Variants in PHF14 observed in about 807,000 individuals in gnomAD.
PHF14 encodes the protein PHD finger protein 14.
A neutral mutation model predicts 117.9 loss-of-function variants in PHF14; 55 were observed. The observed-to-expected ratio is 0.47, with a 90% CI of 0.38 to 0.58. The LOEUF is 0.58. Ranked by LOEUF, PHF14 falls within the 20% of genes least tolerant of loss-of-function variation. The probability of loss-of-function intolerance (pLI) is 0.00; values close to 1 mark genes in which losing one functional copy is unlikely to be tolerated. For synonymous variants in PHF14, 409 were observed against 368.6 expected, an observed-to-expected ratio of 1.11 and a Z score of -1.26; for missense variants, 978 against 1,122.2, an observed-to-expected ratio of 0.87 and a Z score of 1.84.
chr7:11,071,949 C>T (rs950911772), intron 16 of PHF14, among the ~76,000 whole-genome samples: 1 of 152,146 alleles, frequency 6.6e-6, no homozygotes, highest in African/African-American at 2.4e-5. Context: ...GATTCTATTA[C>T]ATTTCAAAGT....
intron 17 of PHF14, among the ~76,000 whole-genome samples, chr7:11,144,957 A>G (rs946964657): frequency 6.6e-6 from 1 of 151,982 alleles, no homozygotes; most frequent in Non-Finnish European, 1.5e-5. Flanking sequence ...GGAGAGAATG[A>G]GGTATTTTGT....
chr7:11,068,685 A>G (rs919714947), intron 16 of PHF14, among the ~76,000 whole-genome samples: 1 of 152,202 alleles, frequency 6.6e-6, no homozygotes, highest in African/African-American at 2.4e-5. Flanking sequence ...GGTCAATGCT[A>G]TGTATATTTT....
chr7:11,076,628 C>A (rs1015613456), intron 16 of PHF14, among the ~76,000 whole-genome samples: 9 of 139,552 alleles, frequency 6.4e-5, no homozygotes, highest in Non-Finnish European at 1.2e-4. Flanking sequence ...AGTGCAGTGG[C>A]GTGATCTCAG....
In PHF14 at chr7:11,042,710, T is replaced by G. The variant is rs1481465419; in HGVS notation, c.2208T>G (p.Asp736Glu). The change falls in exon 13 of 18, where the codon GAT (aspartate) becomes GAG (glutamate). Residue 736 changes from aspartate to glutamate, a missense_variant. Asp to Glu is a conservative substitution (Grantham distance 45). Transcript: ENST00000634607. ...YSCGICKKNH[D>E]QHLLLLCDTC... ...GTGGGATTTGTAAGAAGAACCATGA[T>G]CAGCATCTTCTTTTATTGTGTGATA... The G allele has an allele frequency of 1.3e-6, 2 of 1,590,098 alleles. No homozygotes were observed. Among genetic ancestry groups the G allele is most frequent in the Non-Finnish European group, 1.7e-6 (2 of 1,166,428 alleles).
At chr7:10,996,592 T>C (rs112053588) in intron 4 of PHF14, among the ~76,000 whole-genome samples, 21 of 151,966 alleles carry the variant, frequency 1.4e-4, no homozygotes, top group Admixed American at 1.2e-3. Context: ...CCAGAGGTTA[T>C]TGAAAAAAAA....
Position 11,036,529 on chromosome 7 carries a change from A to T in PHF14, c.1714A>T (p.Ser572Cys). The T allele has an allele frequency of 6.2e-7, 1 of 1,614,012 alleles. No homozygotes were observed. Among genetic ancestry groups the T allele is most frequent in the Non-Finnish European group, 8.5e-7 (1 of 1,179,876 alleles). Residue 572 changes from serine to cysteine, a missense_variant, in exon 9 of 18, where the codon AGT becomes TGT. Physicochemically the swap from Ser to Cys is moderately radical, Grantham distance 112. This residue lies in a region of PHF14 where 237 missense variants were observed against 276.4 expected (regional missense o/e 0.86). Coordinates refer to ENST00000634607, the MANE Select transcript of PHF14 (RefSeq NM_001007157.2). ...AAAATTGCCCAGACCACTCACCAGC[A>T]GTGCTTCAGCTATTCGTAAACTTAT... ...REKLPRPLTS[S>C]ASAIRKLMRK...
chr7:11,009,448 C>T (rs17163898), intron 4 of PHF14, among the ~76,000 whole-genome samples: 1,922 of 152,172 alleles, frequency 0.013, 43 homozygotes, highest in East Asian at 0.1. Context: ...GCCATAGAAA[C>T]ATGTCTTCTG....
At chr7:11,165,199 A>C (rs1168401311) in intron 17 of PHF14, among the ~76,000 whole-genome samples, 3 of 152,224 alleles carry the variant, frequency 2.0e-5, no homozygotes, top group African/African-American at 7.2e-5. Flanking sequence ...CTGGGATTAC[A>C]GGCGTGAGCC....
intron 17 of PHF14, among the ~76,000 whole-genome samples, chr7:11,150,274 T>C (rs1392995804): frequency 3.3e-5 from 5 of 152,184 alleles, no homozygotes; most frequent in Non-Finnish European, 5.9e-5. Flanking sequence ...GTTATAGTTA[T>C]GGTTATTGTT....
At chr7:11,161,680 A>G (rs1418405294) in intron 17 of PHF14, among the ~76,000 whole-genome samples, 1 of 128,498 alleles carries the variant, frequency 7.8e-6, no homozygotes, top group Non-Finnish European at 1.8e-5. Context: ...AAATAAAAAT[A>G]TTATATTTTA....
chr7:11,088,403 A>C (rs2995885), intron 16 of PHF14, among the ~76,000 whole-genome samples: 77,853 of 150,940 alleles, frequency 0.52, 20,873 homozygotes, highest in East Asian at 0.84. Flanking sequence ...CATACACACA[A>C]ACACACACAC....
Position 10,983,101 on chromosome 7 carries a change from C to T in PHF14, c.842C>T (p.Ala281Val). Reference protein sequence around the residue: ...KKSKVLSRNSADDEELTNDSL... With the variant: ...KKSKVLSRNSVDDEELTNDSL... ...AGTAAAGTTCTTAGCAGAAACAGTG[C>T]TGATGATGAGGAACTGACCAATGAT... The change falls in exon 3 of 18, where the codon GCT becomes GTT. Residue 281 changes from alanine to valine, a missense_variant. By Grantham distance (64) the Ala-to-Val change is moderately conservative. Transcript: ENST00000634607. 2 of 1,599,246 alleles carry T rather than the reference C, an allele frequency of 1.3e-6. No individual in the cohort carries two copies. The highest frequency in any genetic ancestry group is 1.1e-5 in the South Asian group (1 of 91,030).
chr7:10,978,320 A>T (rs549561516), intron 2 of PHF14, among the ~76,000 whole-genome samples: 5 of 152,338 alleles, frequency 3.3e-5, no homozygotes, highest in African/African-American at 1.2e-4. Flanking sequence ...TAAATAAAAT[A>T]GTTGATACAA....
At chr7:11,024,671 C>T (rs1202316103) in intron 6 of PHF14, among the ~76,000 whole-genome samples, 1 of 152,188 alleles carries the variant, frequency 6.6e-6, no homozygotes, top group Admixed American at 6.5e-5. Flanking sequence ...CATCTGTGTA[C>T]CGCATGGTTT....
At chr7:11,125,419 A>T (rs1486109943) in intron 17 of PHF14, among the ~76,000 whole-genome samples, 1 of 152,110 alleles carries the variant, frequency 6.6e-6, no homozygotes, top group Non-Finnish European at 1.5e-5. Flanking sequence ...TTTGCAGTAC[A>T]AGTTTCTCTT....
At chr7:11,169,025 A>G (rs1789291343) in intron 17 of PHF14, among the ~76,000 whole-genome samples, 1 of 151,872 alleles carries the variant, frequency 6.6e-6, no homozygotes, top group African/African-American at 2.4e-5. Flanking sequence ...ACACCTGTCA[A>G]GAAAGTATAC....
chr7:11,106,918 A>G (rs574009110), intron 16 of PHF14: 1 of 983,798 alleles, frequency 1.0e-6, no homozygotes, highest in Non-Finnish European at 1.2e-6. Context: ...AAAATGTTCC[A>G]TTGGCATAAA....
At chr7:11,116,838 T>C (rs942144408) in intron 17 of PHF14, among the ~76,000 whole-genome samples, 5 of 151,962 alleles carry the variant, frequency 3.3e-5, no homozygotes, top group African/African-American at 1.2e-4. Context: ...AAATTAACTT[T>C]TTGGAATTTT....
chr7:11,047,713 G>C lies in PHF14; in HGVS notation c.2313-3899G>C, dbSNP rs191480392. 8.9e-4 allele frequency among the ~76,000 whole-genome samples: 134 copies of C among 151,116 alleles called. 1 individual carries two copies. The highest frequency in any genetic ancestry group is 3.0e-3 in the African/African-American group (125 of 41,106). ...GAGGTAGAGAATTGCTTAAACCTGG[G>C]AGGCTGAGGCTACAATGAGCTGAGA... On this transcript the variant is annotated intron_variant, in intron 13 of 17. Coordinates refer to ENST00000634607, the MANE Select transcript of PHF14 (RefSeq NM_001007157.2).
Sources: allele counts gnomAD v4.1 joint callset (sites outside exome capture counted in the v4.1 genomes callset), GRCh38; gene constraint gnomAD v4.1.1; regional missense constraint gnomAD v4.1.1; transcripts MANE v1.5; gene names NCBI Gene and HGNC (gene_info 2026-07-23, HGNC 2026-07-21).